PTPRR: variants seen among roughly 807,000 people sequenced by gnomAD.
PTPRR encodes the protein receptor-type tyrosine-protein phosphatase R.
Under a neutral mutation model 77.2 loss-of-function variants are expected in PTPRR, and 38 were observed. That is an observed-to-expected ratio of 0.49 (90% CI 0.38 to 0.65). The LOEUF (loss-of-function observed/expected upper bound fraction) is 0.65, where lower values mean the gene tolerates loss of function less well. PTPRR is among the 30% of genes least tolerant of loss of function. The pLI, the probability that PTPRR is intolerant of heterozygous loss-of-function variation, is 0.00. For missense variants in PTPRR, 744 were observed against 799.2 expected, an observed-to-expected ratio of 0.93 and a Z score of 0.83; for synonymous variants, 299 against 283.1, an observed-to-expected ratio of 1.06 and a Z score of -0.57.
intron 13 of PTPRR, among the ~76,000 whole-genome samples, chr12:70,650,847 A>C (rs938928439): frequency 1.3e-5 from 2 of 152,208 alleles, no homozygotes; most frequent in African/African-American, 4.8e-5. Flanking sequence ...ACAAACACTC[A>C]TTCCATTCTA....
intron 8 of PTPRR, 140 bp from the exon 9 acceptor site, chr12:70,684,923 GC>G: frequency 5.3e-6 from 3 of 563,086 alleles, no homozygotes; most frequent in Non-Finnish European, 9.3e-6. Context: ...GGTGTCCATT[GC>G]TTGATCCATA....
intron 3 of PTPRR, 108 bp downstream of exon 3, chr12:70,764,557 T>C: frequency 2.4e-6 from 2 of 841,594 alleles, no homozygotes; most frequent in Non-Finnish European, 3.9e-6. Context: ...AAACATGACG[T>C]GCCGGATTTG....
At chr12:70,908,383 A>C (rs2137133904) in intron 1 of PTPRR, among the ~76,000 whole-genome samples, 1 of 152,318 alleles carries the variant, frequency 6.6e-6, no homozygotes, top group African/African-American at 2.4e-5. Context: ...ATTGACTCAC[A>C]GTTCCGCGTG....
At chr12:70,712,325 T>A (rs1379012046) in intron 6 of PTPRR, among the ~76,000 whole-genome samples, 1 of 152,020 alleles carries the variant, frequency 6.6e-6, no homozygotes, top group Admixed American at 6.6e-5. Context: ...TGATGCCTAG[T>A]ACATGGATGA....
In PTPRR at chr12:70,892,661, G is replaced by A; in HGVS notation, c.357+18C>T. 6.2e-7 allele frequency: 1 copy of A among 1,610,686 alleles called. No individual in the cohort carries two copies. Among genetic ancestry groups the A allele is most frequent in the Non-Finnish European group, 8.5e-7 (1 of 1,177,362 alleles). Reference sequence around the variant, plus strand: ...AGAATCAACATCAGCCTCAGCATCAGTTTAACATACTACTTACCACCACAA... The same window carrying A: ...AGAATCAACATCAGCCTCAGCATCAATTTAACATACTACTTACCACCACAA... On this transcript the variant is annotated intron_variant, in intron 2 of 13. Coordinates refer to ENST00000283228, the MANE Select transcript of PTPRR (RefSeq NM_002849.4).
At chr12:70,792,700 G>A (rs1317459651) in intron 2 of PTPRR, among the ~76,000 whole-genome samples, 1 of 151,974 alleles carries the variant, frequency 6.6e-6, no homozygotes, top group Non-Finnish European at 1.5e-5. Context: ...TTATATGAGA[G>A]GTCTTCAAAA....
intron 2 of PTPRR, among the ~76,000 whole-genome samples, chr12:70,801,980 T>G (rs1409412018): frequency 6.6e-6 from 1 of 152,118 alleles, no homozygotes; most frequent in African/African-American, 2.4e-5. Flanking sequence ...GGTGCAGGGG[T>G]GTCGCAGAGT....
chr12:70,641,479 G>C (rs1405047186), intron 13 of PTPRR, among the ~76,000 whole-genome samples: 1 of 152,166 alleles, frequency 6.6e-6, no homozygotes, highest in Non-Finnish European at 1.5e-5. Flanking sequence ...TTAATGGTTG[G>C]AGTATATTTA....
At chr12:70,670,421 C>G (rs1471956108) in intron 10 of PTPRR, among the ~76,000 whole-genome samples, 4 of 152,192 alleles carry the variant, frequency 2.6e-5, no homozygotes, top group South Asian at 2.1e-4. Context: ...CTTTGAGGCT[C>G]TCATTCTCTC....
At chr12:70,667,900 A>C (rs901266872) in intron 10 of PTPRR, among the ~76,000 whole-genome samples, 1 of 152,042 alleles carries the variant, frequency 6.6e-6, no homozygotes, top group African/African-American at 2.4e-5. Context: ...TCATTTTCAA[A>C]GCATGAATCC....
chr12:70,906,676 G>A (rs552988165), intron 1 of PTPRR, among the ~76,000 whole-genome samples: 1 of 152,114 alleles, frequency 6.6e-6, no homozygotes, highest in African/African-American at 2.4e-5. Context: ...CCTTAGTTAT[G>A]TTCCAACAAT....
chr12:70,906,337 T>C (rs1893621521), intron 1 of PTPRR, among the ~76,000 whole-genome samples: 1 of 152,032 alleles, frequency 6.6e-6, no homozygotes, highest in Admixed American at 6.6e-5. Flanking sequence ...CCTGATTTTT[T>C]TTCTAAAGAA....
intron 10 of PTPRR, among the ~76,000 whole-genome samples, chr12:70,665,624 T>C (rs1886963587): frequency 6.6e-6 from 1 of 151,714 alleles, no homozygotes; most frequent in Non-Finnish European, 1.5e-5. Context: ...TCAGGTGATC[T>C]GCCCACCTTG....
chr12:70,787,611 C>T (rs1193413553), intron 2 of PTPRR, among the ~76,000 whole-genome samples: 1 of 49,956 alleles, frequency 2.0e-5, no homozygotes, highest in African/African-American at 5.3e-5. Flanking sequence ...GCTGCTGAGC[C>T]CTAAATCCTG....
intron 2 of PTPRR, among the ~76,000 whole-genome samples, chr12:70,847,237 T>G (rs1345177041): frequency 6.6e-6 from 1 of 152,200 alleles, no homozygotes; most frequent in Non-Finnish European, 1.5e-5. Context: ...TTAAATGTAG[T>G]GCATGTAATG....
intron 9 of PTPRR, 112 bp from the exon 10 acceptor site, chr12:70,684,376 G>A: frequency 8.6e-7 from 1 of 1,166,564 alleles, no homozygotes. Context: ...AGCAACACAG[G>A]TTACGGCTTC....
At chr12:70,891,119 T>G (rs765690041) in intron 2 of PTPRR, among the ~76,000 whole-genome samples, 6 of 152,092 alleles carry the variant, frequency 3.9e-5, no homozygotes, top group Non-Finnish European at 7.4e-5. Context: ...CTATTGCCTC[T>G]ATGTAATCAT....
chr12:70,827,385 C>A (rs1222381017), intron 2 of PTPRR, among the ~76,000 whole-genome samples: 1 of 152,100 alleles, frequency 6.6e-6, no homozygotes, highest in African/African-American at 2.4e-5. Flanking sequence ...TCTCAGAGTT[C>A]TGGAAGCTGG....
rs540169351 is a variant in PTPRR at position 70,857,734 on chromosome 12, T to C, written c.357+34945A>G. ...ATGCGATGGGGAATTTGGAAACACA[T>C]AAAAGCCTAATTGAGGTGACAAAGT... On this transcript the variant is annotated intron_variant, in intron 2 of 13. Transcript: ENST00000283228. 4.8e-4 allele frequency among the ~76,000 whole-genome samples: 73 copies of C among 151,998 alleles called. 1 individual carries two copies. The highest frequency in any genetic ancestry group is 3.5e-3 in the Admixed American group (54 of 15,248).
Sources: allele counts gnomAD v4.1 joint callset (sites outside exome capture counted in the v4.1 genomes callset), GRCh38; gene constraint gnomAD v4.1.1; transcripts MANE v1.5; gene names NCBI Gene and HGNC (gene_info 2026-07-23, HGNC 2026-07-21).